Variants in PIP4K2A observed in about 807,000 individuals in gnomAD.
PIP4K2A encodes the protein phosphatidylinositol 5-phosphate 4-kinase type-2 alpha.
PIP4K2A carries 14 observed loss-of-function variants against 42.9 expected under a neutral mutation model. The ratio of observed to expected loss-of-function variants is 0.33; its 90% CI spans 0.22 to 0.51. The LOEUF is 0.51. PIP4K2A is among the 20% of genes least tolerant of loss of function. PIP4K2A has a pLI of 0.97. For missense variants in PIP4K2A, 434 were observed against 519.8 expected (o/e 0.83, Z 1.61); for synonymous variants, 192 against 192.2 (o/e 1.00, Z 0.01).
At chr10:22,605,210 A>G (rs1055042458) in intron 3 of PIP4K2A, among the ~76,000 whole-genome samples, 16 of 139,600 alleles carry the variant, frequency 1.1e-4, no homozygotes, top group African/African-American at 5.3e-4. Context: ...TTCTTTTTTT[A>G]ATAGAAATAC....
chr10:22,682,174 A>G (rs1165671922), intron 1 of PIP4K2A, among the ~76,000 whole-genome samples: 17 of 152,172 alleles, frequency 1.1e-4, no homozygotes. Flanking sequence ...ACAAATCCAC[A>G]CACCATCCCT....
At chr10:22,710,925 A>G (rs566307897) in intron 1 of PIP4K2A, among the ~76,000 whole-genome samples, 14 of 152,334 alleles carry the variant, frequency 9.2e-5, no homozygotes, top group Admixed American at 9.1e-4. Flanking sequence ...CTTTTAGAGT[A>G]TCTATTTAAA....
Position 22,714,108 on chromosome 10 carries a change from C to T in PIP4K2A, c.144+75G>A, listed in dbSNP as rs1588722656. On this transcript the variant is annotated intron_variant, in intron 1 of 9. Transcript: ENST00000376573. ...CCGGCTCCCCGCCCCGCAGCAGCTGCAGCCGGAGGAGGAGGGGAACGAGGA... is the reference window on the plus strand; with the variant it reads ...CCGGCTCCCCGCCCCGCAGCAGCTGTAGCCGGAGGAGGAGGGGAACGAGGA... 5 of 1,425,310 alleles carry T rather than the reference C, an allele frequency of 3.5e-6. No individual in the cohort carries two copies. The South Asian group carries it at 6.6e-5, about 19-fold the overall frequency. 88.3% of individuals were successfully genotyped at this position (1,425,310 alleles called of 1,614,324 possible).
intron 1 of PIP4K2A, among the ~76,000 whole-genome samples, chr10:22,669,000 T>G (rs919974891): frequency 1.2e-4 from 18 of 152,216 alleles, no homozygotes; most frequent in African/African-American, 4.3e-4. Flanking sequence ...TACTCTTTTT[T>G]TGTTGCTAGT....
rs182063522 is a variant in PIP4K2A, at chr10:22,660,170, G to A, written c.145-50453C>T. On this transcript the variant is annotated intron_variant, in intron 1 of 9. Coordinates refer to ENST00000376573, the MANE Select transcript of PIP4K2A (RefSeq NM_005028.5). ...CTACTGTGCCTGGCGCATAATCAGT[G>A]TTTATAAATGCTTACTGAGGACGGA... 1.0e-4 allele frequency among the ~76,000 whole-genome samples: 15 copies of A among 149,140 alleles called. No homozygotes were observed. The East Asian group carries it at 2.7e-3, about 27-fold the overall frequency.
chr10:22,712,001 T>C (rs45509698), intron 1 of PIP4K2A, among the ~76,000 whole-genome samples: 1,642 of 152,358 alleles, frequency 0.011, 17 homozygotes, highest in Middle Eastern at 0.017. Flanking sequence ...AGAGGTGTTT[T>C]AGCAATTCTT....
At chr10:22,545,469 G>A (rs1836238494) in intron 7 of PIP4K2A, among the ~76,000 whole-genome samples, 1 of 152,230 alleles carries the variant, frequency 6.6e-6, no homozygotes, top group African/African-American at 2.4e-5. Context: ...AGCCTCCCCT[G>A]GCACCCCATC....
chr10:22,606,570 T>C (rs1000905771), intron 3 of PIP4K2A, among the ~76,000 whole-genome samples: 1 of 152,226 alleles, frequency 6.6e-6, no homozygotes, highest in African/African-American at 2.4e-5. Flanking sequence ...GAAAAATTCC[T>C]GGAAATTTTT....
intron 4 of PIP4K2A, among the ~76,000 whole-genome samples, chr10:22,590,234 G>T (rs1367467726): frequency 6.6e-6 from 1 of 152,154 alleles, no homozygotes; most frequent in East Asian, 1.9e-4. Context: ...CCAGTCTACG[G>T]TTTTTTATGA....
At chr10:22,595,988 C>G (rs1048631467) in intron 3 of PIP4K2A, among the ~76,000 whole-genome samples, 1 of 151,904 alleles carries the variant, frequency 6.6e-6, no homozygotes, top group East Asian at 1.9e-4. Context: ...GGCAGATCAC[C>G]TGAGGCTGGG....
Position 22,615,286 on chromosome 10 carries a change from T to A in PIP4K2A, c.145-5569A>T, listed in dbSNP as rs77250866. Among the ~76,000 whole-genome samples the A allele has an allele frequency of 1.2e-4, 19 of 152,320 alleles. No homozygotes were observed. The East Asian group carries it at 3.7e-3, about 29-fold the overall frequency. On this transcript the variant is annotated intron_variant, in intron 1 of 9. Coordinates refer to ENST00000376573, the MANE Select transcript of PIP4K2A (RefSeq NM_005028.5). Reference sequence around the variant, plus strand: ...ATGCATGGCTAATTTTAAAAATTTTTTTGTGGTGACAAGGTCTTGCTATGT... The same window carrying A: ...ATGCATGGCTAATTTTAAAAATTTTATTGTGGTGACAAGGTCTTGCTATGT...
At chr10:22,701,338 T>C (rs1774889945) in intron 1 of PIP4K2A, among the ~76,000 whole-genome samples, 1 of 152,220 alleles carries the variant, frequency 6.6e-6, no homozygotes, top group Non-Finnish European at 1.5e-5. Flanking sequence ...CTGAAATCTC[T>C]CTAAGCACAT....
Position 22,594,933 on chromosome 10 carries a change from G to A in PIP4K2A, c.340-3152C>T, listed in dbSNP as rs1000726013. Among the ~76,000 whole-genome samples, 4 of 152,104 alleles carry A rather than the reference G, an allele frequency of 2.6e-5. No individual in the cohort carries two copies. The South Asian group carries it at 6.2e-4, about 24-fold the overall frequency. On this transcript the variant is annotated intron_variant, in intron 3 of 9. Coordinates refer to ENST00000376573, the MANE Select transcript of PIP4K2A (RefSeq NM_005028.5). ...TCAAATCACCATTTTAATAATCCAC[G>A]TGAGTAGCCCCAACCCACACTATCT... is the stretch of plus-strand genomic sequence containing the variant.
At chr10:22,630,542 C>T (rs1341515064) in intron 1 of PIP4K2A, among the ~76,000 whole-genome samples, 1 of 152,162 alleles carries the variant, frequency 6.6e-6, no homozygotes, top group African/African-American at 2.4e-5. Flanking sequence ...ATTTTTACAA[C>T]GAAAACTGCT....
chr10:22,711,131 G>A (rs540878799), intron 1 of PIP4K2A, among the ~76,000 whole-genome samples: 1 of 152,170 alleles, frequency 6.6e-6, no homozygotes, highest in South Asian at 2.1e-4. Flanking sequence ...TTCACTGATG[G>A]GTATTTTAAG....
chr10:22,674,011 T>C (rs968423963), intron 1 of PIP4K2A, among the ~76,000 whole-genome samples: 8 of 152,222 alleles, frequency 5.3e-5, no homozygotes, highest in Non-Finnish European at 1.0e-4. Flanking sequence ...CTTACTTAAC[T>C]TACTTTCTTC....
intron 1 of PIP4K2A, among the ~76,000 whole-genome samples, chr10:22,682,786 T>A (rs1588704749): frequency 6.6e-6 from 1 of 152,316 alleles, no homozygotes; most frequent in South Asian, 2.1e-4. Flanking sequence ...AACTAGAACC[T>A]GAGGTTAGTC....
Position 22,535,782 on chromosome 10 carries a change from T to C in PIP4K2A, c.*1419A>G. ...TCTAGGTTGGAAATTTATAACTTGA[T>C]TAAAAACAATCAGCACAGTTTAGGG... On this transcript the variant is annotated 3_prime_UTR_variant, in exon 10 of 10. Coordinates refer to ENST00000376573, the MANE Select transcript of PIP4K2A (RefSeq NM_005028.5). 1 of 239,708 alleles carries C rather than the reference T, an allele frequency of 4.2e-6. No homozygotes were observed. The highest frequency in any genetic ancestry group is 8.0e-6 in the Non-Finnish European group (1 of 125,728). The allele number at this position is 239,708 out of a possible 1,614,324, so 14.8% of individuals were successfully genotyped here. A position where few individuals can be genotyped will look rare whatever the true frequency, so the allele number is the denominator to read the frequency against.
chr10:22,596,205 C>CAAAAAAAAAAAAAAAAAAAAAAAAA (rs10681238), intron 3 of PIP4K2A, among the ~76,000 whole-genome samples: 6 of 69,666 alleles, frequency 8.6e-5, no homozygotes, highest in African/African-American at 3.8e-4. Flanking sequence ...AACTCCGTCT[C>CAAAAAAAAAAAAAAAAAAAAAAAAA]AAAAAAAAAA....
Sources: gnomAD v4.1 joint callset for allele counts (sites outside exome capture counted in the v4.1 genomes callset) on GRCh38, gnomAD v4.1.1 for gene constraint, MANE v1.5 for transcripts, NCBI Gene and HGNC (gene_info 2026-07-23, HGNC 2026-07-21) for gene names.